Variants in ACAP2 observed in about 807,000 individuals in gnomAD.
The protein encoded by ACAP2 is arf-GAP with coiled-coil, ANK repeat and PH domain-containing protein 2.
Under a neutral mutation model 115.8 loss-of-function variants are expected in ACAP2, and 39 were observed. The ratio of observed to expected loss-of-function variants is 0.34; its 90% CI spans 0.26 to 0.44. The LOEUF (loss-of-function observed/expected upper bound fraction) is 0.44, where lower values mean the gene tolerates loss of function less well. Among genes scored for constraint, ACAP2 ranks in the 20% least tolerant of loss-of-function variants. The pLI is 1.00. For missense variants in ACAP2, 662 were observed against 927.6 expected (o/e 0.71, Z 3.72); for synonymous variants, 289 against 315.8 (o/e 0.92, Z 0.90).
chr3:195,386,520 T>C (rs1222415989), intron 2 of ACAP2, among the ~76,000 whole-genome samples: 1 of 152,150 alleles, frequency 6.6e-6, no homozygotes, highest in Non-Finnish European at 1.5e-5. Context: ...GAAACCATCA[T>C]TCTCAGCAAA....
chr3:195,417,863 C>T (rs904655511), intron 1 of ACAP2, among the ~76,000 whole-genome samples: 29 of 151,802 alleles, frequency 1.9e-4, no homozygotes, highest in African/African-American at 6.8e-4. Flanking sequence ...GTGGGAGGAT[C>T]GCTTGAGTCT....
At position 195,301,652 on chromosome 3, in the gene ACAP2, G is replaced by A. The variant is rs758985350; in HGVS notation, c.1326-8C>T. 1.1e-5 allele frequency: 17 copies of A among 1,608,916 alleles called. No individual in the cohort carries two copies. The highest frequency in any genetic ancestry group is 1.7e-4 in the Middle Eastern group (1 of 6,056). ...AAATGAACCCCAAGGCTCCTAAGTG[G>A]AAAAAAGAAGACTGCATTACTATCA... On this transcript the variant is annotated splice_region_variant and splice_polypyrimidine_tract_variant and intron_variant, in intron 14 of 22. Transcript: ENST00000326793.
Position 195,333,129 on chromosome 3 carries a change from A to G in ACAP2, c.574-6T>C. ...GCATACATAAATGACAACATCTAATAGGGAAAAAAAGATGACCATTTTAAA... is the reference window on the plus strand; with the variant it reads ...GCATACATAAATGACAACATCTAATGGGGAAAAAAAGATGACCATTTTAAA... On this transcript the variant is annotated splice_polypyrimidine_tract_variant and splice_region_variant and intron_variant, in intron 7 of 22. Transcript: ENST00000326793. 6.6e-7 allele frequency: 1 copy of G among 1,523,042 alleles called. No homozygotes were observed. The highest frequency in any genetic ancestry group is 9.0e-7 in the Non-Finnish European group (1 of 1,112,142). The allele number at this position is 1,523,042 out of a possible 1,614,324, so 94.3% of individuals were successfully genotyped here.
chr3:195,280,605 TTAAA>T (rs1190532552), intron 22 of ACAP2: 2 of 152,172 alleles, frequency 1.3e-5, no homozygotes, highest in Non-Finnish European at 2.9e-5. Flanking sequence ...AGGACATCTG[TTAAA>T]TTAGAAAAAT....
chr3:195,416,436 A>C (rs374220174), intron 1 of ACAP2, among the ~76,000 whole-genome samples: 1 of 152,056 alleles, frequency 6.6e-6, no homozygotes, highest in African/African-American at 2.4e-5. Context: ...GATTAGCAAA[A>C]GTTTTAAAAT....
chr3:195,358,945 G>C (rs776215572), intron 4 of ACAP2, among the ~76,000 whole-genome samples: 3 of 152,110 alleles, frequency 2.0e-5, no homozygotes, highest in Non-Finnish European at 4.4e-5. Context: ...CACAAGAAAA[G>C]AAACAATACA....
chr3:195,374,420 T>C (rs1170205486), intron 4 of ACAP2, among the ~76,000 whole-genome samples: 1 of 152,038 alleles, frequency 6.6e-6, no homozygotes, highest in Non-Finnish European at 1.5e-5. Flanking sequence ...TCCCAGAAAA[T>C]ATAAGCATTA....
At chr3:195,393,072 C>T (rs1478836451) in intron 1 of ACAP2, among the ~76,000 whole-genome samples, 1 of 152,148 alleles carries the variant, frequency 6.6e-6, no homozygotes, top group Non-Finnish European at 1.5e-5. Context: ...CATGGTGGCT[C>T]ACACCTGTAA....
At chr3:195,351,129 T>TTTTTTTTG (rs75945777) in intron 4 of ACAP2, among the ~76,000 whole-genome samples, 16,882 of 125,386 alleles carry the variant, frequency 0.13, 1,421 homozygotes, top group East Asian at 0.56. Context: ...TTTTTTTTTT[T>TTTTTTTTG]GGGCGGGGGA....
intron 1 of ACAP2, among the ~76,000 whole-genome samples, chr3:195,402,833 C>A (rs1712428352): frequency 6.6e-6 from 1 of 152,048 alleles, no homozygotes; most frequent in African/African-American, 2.4e-5. Flanking sequence ...TAGAAAAATT[C>A]TGGCAAATGA....
intron 19 of ACAP2, 62 bp downstream of exon 19, chr3:195,292,203 C>T (rs1577244181): frequency 6.7e-7 from 1 of 1,493,546 alleles, no homozygotes; most frequent in South Asian, 1.5e-5. Flanking sequence ...CAGTTCAGAA[C>T]ATATTATGAT....
chr3:195,377,341 C>T (rs544480691), intron 4 of ACAP2, among the ~76,000 whole-genome samples: 17 of 151,734 alleles, frequency 1.1e-4, no homozygotes, highest in African/African-American at 4.1e-4. Context: ...GACCGAGTTT[C>T]GCCATGTTGC....
chr3:195,432,010 A>G (rs1196890990), intron 1 of ACAP2, among the ~76,000 whole-genome samples: 1 of 152,140 alleles, frequency 6.6e-6, no homozygotes, highest in East Asian at 1.9e-4. Flanking sequence ...ATGTTCTTTG[A>G]AGAAATACTT....
chr3:195,393,888 G>GC (rs1228094990), intron 1 of ACAP2, among the ~76,000 whole-genome samples: 3 of 147,018 alleles, frequency 2.0e-5, no homozygotes, highest in East Asian at 2.0e-4. Context: ...TTATATTGGG[G>GC]GGGGGGGAAG....
chr3:195,439,191 CTTT>C (rs3072388), intron 1 of ACAP2, among the ~76,000 whole-genome samples: 3 of 133,276 alleles, frequency 2.3e-5, no homozygotes, highest in Non-Finnish European at 3.1e-5. Context: ...AGGCTAAGGC[CTTT>C]TTTTTTTTTT....
chr3:195,437,938 C>T (rs1408564007), intron 1 of ACAP2, among the ~76,000 whole-genome samples: 2 of 140,282 alleles, frequency 1.4e-5, no homozygotes, highest in Non-Finnish European at 3.0e-5. Flanking sequence ...TCTATGTTGC[C>T]CAGGCTGGTC....
intron 15 of ACAP2, among the ~76,000 whole-genome samples, chr3:195,297,609 G>T (rs1410227843): frequency 6.6e-6 from 1 of 152,054 alleles, no homozygotes; most frequent in Non-Finnish European, 1.5e-5. Context: ...AGAAAGGCAA[G>T]AAGTATGACA....
chr3:195,300,952 C>A (rs75739666), intron 15 of ACAP2, among the ~76,000 whole-genome samples: 3,288 of 152,190 alleles, frequency 0.022, 117 homozygotes, highest in East Asian at 0.1. Context: ...AAGGAAGTCC[C>A]GGCTGCAGTA....
chr3:195,391,986 C>T, intron 2 of ACAP2, 104 bp downstream of exon 2: 1 of 891,460 alleles, frequency 1.1e-6, no homozygotes, highest in Non-Finnish European at 1.7e-6. Context: ...CAGAGTGAGA[C>T]TCTGTCTCCA....
Sources: allele counts gnomAD v4.1 joint callset (sites outside exome capture counted in the v4.1 genomes callset), GRCh38; gene constraint gnomAD v4.1.1; transcripts MANE v1.5; gene names NCBI Gene and HGNC (gene_info 2026-07-23, HGNC 2026-07-21).